The following JAK2 variants were observed in gnomAD, a reference collection of about 807,000 sequenced individuals.
JAK2 encodes the protein tyrosine-protein kinase JAK2.
Under a neutral mutation model 139.3 loss-of-function variants are expected in JAK2, and 86 were observed. That is an observed-to-expected ratio of 0.62 (90% CI 0.52 to 0.74). The LOEUF is 0.74. Among genes scored for constraint, JAK2 ranks in the 30% least tolerant of loss-of-function variants. The probability of loss-of-function intolerance (pLI) is 0.00; values close to 1 mark genes in which losing one functional copy is unlikely to be tolerated. For synonymous variants in JAK2, 490 were observed against 437.7 expected (o/e 1.12, Z -1.49); for missense variants, 1,421 against 1,360.3 (o/e 1.04, Z -0.70).
intron 4 of JAK2, among the ~76,000 whole-genome samples, chr9:5,034,514 AG>A (rs1403093322): frequency 6.6e-6 from 1 of 152,100 alleles, no homozygotes; most frequent in Non-Finnish European, 1.5e-5. Flanking sequence ...CAAGTGTAAA[AG>A]AACAGAAATT....
intron 8 of JAK2, among the ~76,000 whole-genome samples, chr9:5,061,479 C>G (rs557915106): frequency 2.6e-5 from 4 of 152,346 alleles, no homozygotes; most frequent in Non-Finnish European, 4.4e-5. Flanking sequence ...ATGCTGTGCA[C>G]ATGGCTTCTT....
intron 4 of JAK2, among the ~76,000 whole-genome samples, chr9:5,036,308 C>G (rs1311342823): frequency 2.6e-5 from 4 of 152,172 alleles, no homozygotes; most frequent in Non-Finnish European, 5.9e-5. Flanking sequence ...TGCCCAAAGT[C>G]CTTTATGGAT....
At chr9:5,042,295 G>T (rs1261453234) in intron 4 of JAK2, among the ~76,000 whole-genome samples, 2 of 151,354 alleles carry the variant, frequency 1.3e-5, no homozygotes, top group South Asian at 4.2e-4. Flanking sequence ...CCGCCACCGC[G>T]CCCGGCTAAT....
rs557150584 is a variant in JAK2 at position 5,060,663 on chromosome 9, G to C, written c.1057-4220G>C. On this transcript the variant is annotated intron_variant, in intron 8 of 24. Transcript: ENST00000381652. ...CCACATCCTAGTGACTTCCTCCATTGAAGTCGTGAACCCCTCAAAGTCATC... is the reference window on the plus strand; with the variant it reads ...CCACATCCTAGTGACTTCCTCCATTCAAGTCGTGAACCCCTCAAAGTCATC... Among the ~76,000 whole-genome samples the C allele has an allele frequency of 2.0e-5, 3 of 152,218 alleles. No individual in the cohort carries two copies. The South Asian group carries it at 6.2e-4, about 32-fold the overall frequency.
chr9:5,074,090 G>A (rs908491088), intron 14 of JAK2, among the ~76,000 whole-genome samples: 24 of 151,956 alleles, frequency 1.6e-4, no homozygotes, highest in African/African-American at 5.3e-4. Flanking sequence ...ACATAACATT[G>A]GAATAACTGG....
chr9:5,070,253 A>G (rs1818866490), intron 12 of JAK2, among the ~76,000 whole-genome samples: 1 of 152,200 alleles, frequency 6.6e-6, no homozygotes, highest in Admixed American at 6.5e-5. Flanking sequence ...TAAGAATGGA[A>G]TCTTAATTTT....
At chr9:5,093,789 T>G (rs1820767748) in intron 22 of JAK2, among the ~76,000 whole-genome samples, 1 of 152,186 alleles carries the variant, frequency 6.6e-6, no homozygotes, top group African/African-American at 2.4e-5. Flanking sequence ...GACCTCGATG[T>G]TGGATCAGGA....
At chr9:5,025,620 G>A (rs1265083505) in intron 3 of JAK2, among the ~76,000 whole-genome samples, 1 of 149,622 alleles carries the variant, frequency 6.7e-6, no homozygotes, top group African/African-American at 2.5e-5. Flanking sequence ...TGCCACCTCC[G>A]CCTTCCAAGT....
At chr9:5,085,244 TGGC>T in intron 19 of JAK2, 9 of 674,114 alleles carry the variant, frequency 1.3e-5, no homozygotes, top group South Asian at 5.5e-5. Context: ...ACAGGACCAG[TGGC>T]TAACCTGAGA....
At chr9:5,074,653 TGA>T (rs948268820) in intron 14 of JAK2, among the ~76,000 whole-genome samples, 3 of 152,202 alleles carry the variant, frequency 2.0e-5, no homozygotes, top group Non-Finnish European at 4.4e-5. Flanking sequence ...CCCTATTCCC[TGA>T]GACAACAATA....
chr9:5,005,083 A>ATTT (rs527982744), intron 2 of JAK2, among the ~76,000 whole-genome samples: 5 of 40,034 alleles, frequency 1.2e-4, no homozygotes, highest in Admixed American at 4.0e-4. Flanking sequence ...TGCCTGGCTA[A>ATTT]TTTTTTTTTT....
At chr9:5,046,173 C>G (rs1052615638) in intron 5 of JAK2, among the ~76,000 whole-genome samples, 1 of 152,126 alleles carries the variant, frequency 6.6e-6, no homozygotes, top group African/African-American at 2.4e-5. Flanking sequence ...ATCTGTTTAT[C>G]TTCTTTGCAG....
intron 19 of JAK2, among the ~76,000 whole-genome samples, chr9:5,082,945 C>A (rs1819814888): frequency 6.6e-6 from 1 of 152,214 alleles, no homozygotes; most frequent in Non-Finnish European, 1.5e-5. Context: ...TTTCTTATGT[C>A]TTCCTTTTCT....
chr9:5,025,696 C>T (rs756662379), intron 3 of JAK2, among the ~76,000 whole-genome samples: 5 of 152,054 alleles, frequency 3.3e-5, no homozygotes, highest in Admixed American at 6.6e-5. Flanking sequence ...CCACACCCAG[C>T]TAATTTTTGT....
At position 5,044,521 on chromosome 9, in the gene JAK2, G is replaced by T; in HGVS notation, c.468+1G>T. The stretch of plus-strand genomic sequence containing the variant: ...TGTCATGTCTTACCTCTTTGCTCAG[G>T]TATGATTATATTATCTTACTTGTAC... On this transcript the variant is annotated splice_donor_variant, in intron 5 of 24. Coordinates refer to ENST00000381652, the MANE Select transcript of JAK2 (RefSeq NM_004972.4). LOFTEE classifies it high-confidence loss of function. 2 of 1,530,222 alleles carry T rather than the reference G, an allele frequency of 1.3e-6. No individual in the cohort carries two copies. The highest frequency in any genetic ancestry group is 1.8e-6 in the Non-Finnish European group (2 of 1,114,454). The allele number at this position is 1,530,222 out of a possible 1,614,324, so 94.8% of individuals were successfully genotyped here.
chr9:5,000,732 G>C (rs535114174), intron 2 of JAK2, among the ~76,000 whole-genome samples: 2 of 152,206 alleles, frequency 1.3e-5, no homozygotes, highest in Admixed American at 6.5e-5. Flanking sequence ...TAATTAGTTT[G>C]TGGAGCTCTT....
At position 5,127,712 on chromosome 9, in the gene JAK2, C is replaced by G; in HGVS notation, c.*921C>G. 4.3e-6 allele frequency: 1 copy of G among 232,342 alleles called. No homozygotes were observed. The allele number at this position is 232,342 out of a possible 1,614,324, so 14.4% of individuals were successfully genotyped here. A position where few individuals can be genotyped will look rare whatever the true frequency, so the allele number is the denominator to read the frequency against. ...GATCTCTGGGATTTATGCTCATGAA[C>G]TAAATTTAAGCTTAAGCCATAAAAT... On this transcript the variant is annotated 3_prime_UTR_variant, in exon 25 of 25. Transcript: ENST00000381652.
chr9:5,066,437 T>A (rs1818571684), intron 9 of JAK2, among the ~76,000 whole-genome samples: 1 of 152,150 alleles, frequency 6.6e-6, no homozygotes, highest in African/African-American at 2.4e-5. Flanking sequence ...TGTGATTTTG[T>A]CTTATAAATA....
chr9:5,027,375 C>T (rs542506334), intron 3 of JAK2, among the ~76,000 whole-genome samples: 2 of 152,114 alleles, frequency 1.3e-5, no homozygotes, highest in African/African-American at 2.4e-5. Context: ...AAAGTACATA[C>T]CTTAATTTAA....
Sources: allele counts gnomAD v4.1 joint callset (sites outside exome capture counted in the v4.1 genomes callset), GRCh38; gene constraint gnomAD v4.1.1; transcripts MANE v1.5; gene names NCBI Gene and HGNC (gene_info 2026-07-23, HGNC 2026-07-21).